Variants in SPAG16 observed in about 807,000 individuals in gnomAD.
SPAG16 encodes sperm-associated antigen 16 protein.
Under a neutral mutation model 80.4 loss-of-function variants are expected in SPAG16, and 86 were observed. That is an observed-to-expected ratio of 1.07 (90% confidence interval 0.90 to 1.28). The LOEUF is 1.28. SPAG16 is among the 50% of genes most tolerant of loss of function. The pLI, the probability that SPAG16 is intolerant of heterozygous loss-of-function variation, is 0.00. For synonymous variants in SPAG16, 294 were observed against 265.9 expected (o/e 1.11, Z -1.03); for missense variants, 870 against 765.3 (o/e 1.14, Z -1.61).
chr2:213,421,052 A>G (rs1350960740), intron 9 of SPAG16, among the ~76,000 whole-genome samples: 1 of 152,136 alleles, frequency 6.6e-6, no homozygotes, highest in African/African-American at 2.4e-5. Flanking sequence ...AACAGGCGGG[A>G]GCCTTGCCTC....
At chr2:213,834,148 C>A (rs1485059583) in intron 10 of SPAG16, among the ~76,000 whole-genome samples, 1 of 152,146 alleles carries the variant, frequency 6.6e-6, no homozygotes, top group Non-Finnish European at 1.5e-5. Context: ...CTTTCACCTT[C>A]CACCATGACT....
chr2:213,350,414 T>C (rs1377508536), intron 6 of SPAG16, 114 bp from the exon 7 acceptor site: 3 of 554,804 alleles, frequency 5.4e-6, no homozygotes, highest in African/African-American at 3.9e-5. Flanking sequence ...TATATGATTA[T>C]TCATTTTTAT....
At chr2:214,192,024 T>C (rs1334268552) in intron 15 of SPAG16, among the ~76,000 whole-genome samples, 1 of 151,896 alleles carries the variant, frequency 6.6e-6, no homozygotes, top group Non-Finnish European at 1.5e-5. Context: ...AATGGATTAG[T>C]AAGGAAGTAA....
chr2:213,992,584 CTTTAAA>C (rs2046337592), intron 12 of SPAG16, among the ~76,000 whole-genome samples: 1 of 152,006 alleles, frequency 6.6e-6, no homozygotes, highest in East Asian at 1.9e-4. Flanking sequence ...AAGGAACATT[CTTTAAA>C]TTTGATGATT....
intron 11 of SPAG16, among the ~76,000 whole-genome samples, chr2:213,886,118 A>C (rs1368830251): frequency 6.6e-6 from 1 of 152,094 alleles, no homozygotes; most frequent in East Asian, 1.9e-4. Context: ...TCTGTGCAGC[A>C]TTTCCCCTTT....
chr2:213,440,164 T>C (rs1365084787), intron 9 of SPAG16, among the ~76,000 whole-genome samples: 1 of 152,202 alleles, frequency 6.6e-6, no homozygotes, highest in East Asian at 1.9e-4. Context: ...CCATGGGCCA[T>C]GAATAAGCAA....
At chr2:214,079,834 GT>G (rs1271180492) in intron 13 of SPAG16, among the ~76,000 whole-genome samples, 2 of 152,106 alleles carry the variant, frequency 1.3e-5, no homozygotes, top group African/African-American at 2.4e-5. Flanking sequence ...TTTTGTCCTT[GT>G]TTAGAAGAGA....
intron 13 of SPAG16, among the ~76,000 whole-genome samples, chr2:214,072,569 T>C (rs373084089): frequency 5.9e-5 from 9 of 152,260 alleles, no homozygotes; most frequent in African/African-American, 2.2e-4. Flanking sequence ...TTTAGGGAAA[T>C]CTGCTATTGA....
intron 10 of SPAG16, among the ~76,000 whole-genome samples, chr2:213,563,451 G>T (rs977557207): frequency 1.2e-4 from 18 of 152,204 alleles, no homozygotes; most frequent in Non-Finnish European, 1.3e-4. Flanking sequence ...GAGGCTGAAA[G>T]TCCTAAATCA....
rs1160829897 is a variant in SPAG16 at position 213,449,093 on chromosome 2, G to A, written c.943-40870G>A. Among the ~76,000 whole-genome samples, 5 of 152,046 alleles carry A rather than the reference G, an allele frequency of 3.3e-5. No individual in the cohort carries two copies. The East Asian group carries it at 9.7e-4, about 29-fold the overall frequency. ...GAAACGAATGTGTTCCTGGGGGGAG[G>A]TCTATAAATGGCCGCTCTGGGAATG... On this transcript the variant is annotated intron_variant, in intron 9 of 15. Transcript: ENST00000331683.
chr2:213,930,203 G>A (rs1403107490), intron 12 of SPAG16, 58 bp downstream of exon 12: 3 of 1,333,526 alleles, frequency 2.2e-6, no homozygotes, highest in African/African-American at 1.5e-5. Context: ...CGTGGGTAAA[G>A]TGGTAAAGTT....
At chr2:214,097,563 C>A (rs1216480375) in intron 13 of SPAG16, among the ~76,000 whole-genome samples, 1 of 151,874 alleles carries the variant, frequency 6.6e-6, no homozygotes, top group African/African-American at 2.4e-5. Context: ...TTTATAACAT[C>A]AAAAATCTTG....
intron 15 of SPAG16, among the ~76,000 whole-genome samples, chr2:214,302,073 T>C (rs909996802): frequency 5.3e-5 from 8 of 152,206 alleles, no homozygotes; most frequent in Non-Finnish European, 4.4e-5. Flanking sequence ...TTAGTTTCCA[T>C]GTACTTATAC....
chr2:213,407,538 G>A (rs979195952), intron 9 of SPAG16, among the ~76,000 whole-genome samples: 10 of 151,530 alleles, frequency 6.6e-5, no homozygotes, highest in South Asian at 6.3e-4. Flanking sequence ...CTTTCTTCTC[G>A]GGAGAAGAAA....
chr2:214,286,066 T>C (rs533980827), intron 15 of SPAG16, among the ~76,000 whole-genome samples: 1 of 152,308 alleles, frequency 6.6e-6, no homozygotes, highest in Admixed American at 6.5e-5. Context: ...CAAAGTGAAG[T>C]AAGCCAGACA....
chr2:213,856,785 G>A (rs2372259), intron 10 of SPAG16, among the ~76,000 whole-genome samples: 52,250 of 151,962 alleles, frequency 0.34, 9,417 homozygotes, highest in South Asian at 0.47. Flanking sequence ...ACCTGGGCCT[G>A]GCTCATGAAA....
chr2:213,983,697 C>T (rs2045876546), intron 12 of SPAG16, among the ~76,000 whole-genome samples: 1 of 151,850 alleles, frequency 6.6e-6, no homozygotes, highest in African/African-American at 2.4e-5. Flanking sequence ...TCTTGAGTAT[C>T]AACAAAATTT....
chr2:213,915,629 T>C (rs943238999), intron 11 of SPAG16, among the ~76,000 whole-genome samples: 2 of 152,182 alleles, frequency 1.3e-5, no homozygotes, highest in African/African-American at 2.4e-5. Context: ...TTTATAATCC[T>C]TTGGGTATAT....
intron 13 of SPAG16, among the ~76,000 whole-genome samples, chr2:214,041,569 T>C (rs1022847810): frequency 4.6e-5 from 7 of 152,000 alleles, no homozygotes; most frequent in African/African-American, 1.4e-4. Context: ...GACTAAGTTA[T>C]TAGTCTTCCA....
Sources: allele counts gnomAD v4.1 joint callset (sites outside exome capture counted in the v4.1 genomes callset), GRCh38; gene constraint gnomAD v4.1.1; transcripts MANE v1.5; gene names NCBI Gene and HGNC (gene_info 2026-07-23, HGNC 2026-07-21).